PDE8A: variants seen among roughly 807,000 people sequenced by gnomAD.
The protein encoded by PDE8A is phosphodiesterase 8A, also known as high affinity cAMP-specific and IBMX-insensitive 3',5'-cyclic phosphodiesterase 8A.
A neutral mutation model predicts 105.0 loss-of-function variants in PDE8A; 59 were observed. That is an observed-to-expected ratio of 0.56 (90% CI 0.46 to 0.70). The LOEUF (loss-of-function observed/expected upper bound fraction) is 0.70. Ranked by LOEUF, PDE8A falls within the 30% of genes least tolerant of loss-of-function variation. The pLI is 0.00. For synonymous variants in PDE8A, 355 were observed against 371.9 expected (o/e 0.95, Z 0.52); for missense variants, 1,014 against 1,045.9 (o/e 0.97, Z 0.42).
At chr15:85,083,296 C>G (rs978045689) in intron 5 of PDE8A, among the ~76,000 whole-genome samples, 6 of 145,622 alleles carry the variant, frequency 4.1e-5, no homozygotes, top group Non-Finnish European at 8.9e-5. Context: ...ACGGAAGATG[C>G]TGAAAGAAAA....
At chr15:85,026,453 A>G (rs1441863755) in intron 1 of PDE8A, among the ~76,000 whole-genome samples, 1 of 152,172 alleles carries the variant, frequency 6.6e-6, no homozygotes, top group Admixed American at 6.5e-5. Flanking sequence ...GGTTCCCCAG[A>G]GGAAGCATTT....
intron 5 of PDE8A, among the ~76,000 whole-genome samples, chr15:85,082,856 T>C (rs894869656): frequency 2.0e-5 from 3 of 152,370 alleles, no homozygotes; most frequent in East Asian, 3.9e-4. Flanking sequence ...TTTAATTTGA[T>C]GGTGGAATGG....
chr15:84,988,206 A>G (rs932743009), intron 1 of PDE8A, among the ~76,000 whole-genome samples: 6 of 152,212 alleles, frequency 3.9e-5, no homozygotes, highest in Non-Finnish European at 7.3e-5. Context: ...GCTGAGATTC[A>G]AATCCACTGG....
At chr15:85,062,277 T>C (rs184013818) in intron 1 of PDE8A, among the ~76,000 whole-genome samples, 71 of 152,354 alleles carry the variant, frequency 4.7e-4, no homozygotes, top group African/African-American at 1.5e-3. Context: ...TTGTTTTTAA[T>C]TGTGGTAGGC....
At chr15:85,013,681 A>G (rs1016861822) in intron 1 of PDE8A, among the ~76,000 whole-genome samples, 1 of 152,254 alleles carries the variant, frequency 6.6e-6, no homozygotes, top group Non-Finnish European at 1.5e-5. Context: ...AAACAGTAAT[A>G]AGCATTTATT....
intron 1 of PDE8A, among the ~76,000 whole-genome samples, chr15:85,017,769 C>G (rs2080350981): frequency 6.6e-6 from 1 of 150,820 alleles, no homozygotes; most frequent in African/African-American, 2.4e-5. Flanking sequence ...CACCTGTAAT[C>G]CCAGCTACTA....
intron 1 of PDE8A, among the ~76,000 whole-genome samples, chr15:85,046,727 G>A (rs1372145867): frequency 6.6e-6 from 1 of 152,102 alleles, no homozygotes; most frequent in African/African-American, 2.4e-5. Flanking sequence ...GGGTAGAGGG[G>A]AGTAGAAATT....
chr15:85,102,576 C>T (rs1567286900), intron 11 of PDE8A, among the ~76,000 whole-genome samples: 1 of 151,506 alleles, frequency 6.6e-6, no homozygotes, highest in Non-Finnish European at 1.5e-5. Flanking sequence ...CGCAGTGGCT[C>T]ACACCTGTAA....
chr15:85,039,440 A>G (rs2141390969), intron 1 of PDE8A, among the ~76,000 whole-genome samples: 2 of 152,112 alleles, frequency 1.3e-5, no homozygotes, highest in Middle Eastern at 3.4e-3. Context: ...AAAAAAAAAA[A>G]GATGGAAAAT....
At chr15:85,066,018 A>G (rs2081219250) in intron 2 of PDE8A, among the ~76,000 whole-genome samples, 1 of 113,034 alleles carries the variant, frequency 8.8e-6, no homozygotes, top group African/African-American at 4.6e-5. Flanking sequence ...TCTTCTTTTA[A>G]TCAAAGCAAT....
At chr15:85,090,478 A>G (rs1329910642) in intron 7 of PDE8A, among the ~76,000 whole-genome samples, 1 of 152,192 alleles carries the variant, frequency 6.6e-6, no homozygotes, top group African/African-American at 2.4e-5. Flanking sequence ...AAACTTAACC[A>G]TAAAGCCTTA....
At chr15:84,985,589 A>G (rs1441187892) in intron 1 of PDE8A, among the ~76,000 whole-genome samples, 1 of 152,086 alleles carries the variant, frequency 6.6e-6, no homozygotes, top group East Asian at 1.9e-4. Flanking sequence ...TTTTGCAAAC[A>G]CCCACTGCAC....
At chr15:85,111,535 T>A (rs576648607) in intron 12 of PDE8A, among the ~76,000 whole-genome samples, 54 of 152,330 alleles carry the variant, frequency 3.5e-4, no homozygotes, top group African/African-American at 1.2e-3. Flanking sequence ...GTTCCTGGAC[T>A]CTATTCTGTT....
intron 5 of PDE8A, among the ~76,000 whole-genome samples, chr15:85,079,571 G>T (rs2081432450): frequency 6.6e-6 from 1 of 152,210 alleles, no homozygotes; most frequent in Non-Finnish European, 1.5e-5. Flanking sequence ...GCTGAAGAAA[G>T]ATGAAACAAC....
In PDE8A at chr15:85,076,135, C is replaced by A. The variant is rs142352408; in HGVS notation, c.491+217C>A. 1.0e-3 allele frequency among the ~76,000 whole-genome samples: 152 copies of A among 152,236 alleles called. 1 individual carries two copies. Among genetic ancestry groups the A allele is most frequent in the African/African-American group, 3.6e-3 (148 of 41,536 alleles). On this transcript the variant is annotated intron_variant, in intron 4 of 21. Coordinates refer to ENST00000394553, the MANE Select transcript of PDE8A (RefSeq NM_002605.3). The stretch of plus-strand genomic sequence containing the variant: ...TTTTTGTGATTTTTAAACTGCCTTT[C>A]ACTTTAGAAACAGGCGAACTATGAG...
intron 1 of PDE8A, among the ~76,000 whole-genome samples, chr15:85,022,119 G>A (rs780884704): frequency 6.6e-6 from 1 of 152,256 alleles, no homozygotes; most frequent in East Asian, 1.9e-4. Context: ...CTAATACCAC[G>A]GATAGTTGCC....
chr15:84,982,296 C>A lies in PDE8A; in HGVS notation c.134C>A (p.Thr45Asn). Reference protein sequence around the residue: ...QGQKTAALPRTRGAGLLESEL... With the variant: ...QGQKTAALPRNRGAGLLESEL... ...CAGAAGACGGCCGCCTTGCCCCGGACCCGCGGCGCCGGCCTCTTGGAGTCG... is the reference window on the plus strand; with the variant it reads ...CAGAAGACGGCCGCCTTGCCCCGGAACCGCGGCGCCGGCCTCTTGGAGTCG... Residue 45 changes from threonine (T) to asparagine (N), a missense_variant, in exon 1 of 22, where the codon ACC (threonine) becomes AAC (asparagine). By Grantham distance (65) the Thr-to-Asn change is moderately conservative. Coordinates refer to ENST00000394553, the MANE Select transcript of PDE8A (RefSeq NM_002605.3). The A allele has an allele frequency of 7.3e-7, 1 of 1,377,332 alleles. No homozygotes were observed. Among genetic ancestry groups the A allele is most frequent in the Non-Finnish European group, 9.3e-7 (1 of 1,075,900 alleles). The allele number at this position is 1,377,332 out of a possible 1,614,324, so 85.3% of individuals were successfully genotyped here. A position where few individuals can be genotyped will look rare whatever the true frequency, so the allele number is the denominator to read the frequency against.
chr15:84,996,964 G>A (rs988240721), intron 1 of PDE8A, among the ~76,000 whole-genome samples: 1 of 151,488 alleles, frequency 6.6e-6, no homozygotes, highest in African/African-American at 2.4e-5. Context: ...ATATTACTGT[G>A]TACTACTGTA....
chr15:85,137,738 AAG>A, intron 21 of PDE8A, 57 bp from the exon 22 acceptor site: 1 of 1,106,990 alleles, frequency 9.0e-7, no homozygotes, highest in Non-Finnish European at 1.4e-6. Context: ...CTCTTAGTGA[AAG>A]CCTAAAATGT....
Sources: allele counts gnomAD v4.1 joint callset (sites outside exome capture counted in the v4.1 genomes callset), GRCh38; gene constraint gnomAD v4.1.1; transcripts MANE v1.5; gene names NCBI Gene and HGNC (gene_info 2026-07-23, HGNC 2026-07-21).